The following SOD2 variants were observed in gnomAD, a reference collection of about 807,000 sequenced individuals.
The protein encoded by SOD2 is superoxide dismutase 2.
In SOD2, 11 loss-of-function variants were observed where a neutral mutation model predicts 27.0. The observed-to-expected ratio is 0.41, with a 90% CI of 0.26 to 0.67. The LOEUF (loss-of-function observed/expected upper bound fraction) is 0.67, where lower values mean the gene tolerates loss of function less well. Ranked by LOEUF, SOD2 falls within the 30% of genes least tolerant of loss-of-function variation. The pLI is 0.34. For missense variants in SOD2, 250 were observed against 274.5 expected (o/e 0.91, Z 0.63); for synonymous variants, 105 against 103.0 (o/e 1.02, Z -0.12).
In SOD2 at chr6:159,698,577, A is replaced by G. The variant is rs1206083609; in HGVS notation, c.-115-5714T>C. ...ACAGAGTGAGACCTTGTCTCAAAAA[A>G]AAAAAAAAAAAAAAAAAAAATCCAA... On this transcript the variant is annotated intron_variant, in intron 1 of 2. Coordinates refer to the SOD2 transcript ENST00000401980. 3.5e-3 allele frequency among the ~76,000 whole-genome samples: 129 copies of G among 37,126 alleles called. 2 individuals carry two copies. Among genetic ancestry groups the G allele is most frequent in the South Asian group, 0.028 (25 of 906 alleles). 24.4% of individuals were successfully genotyped at this position (37,126 alleles called of 152,430 possible).
At chr6:159,748,749 G>A, upstream of SOD2, 1 of 1,235,752 alleles carries the variant, frequency 8.1e-7, no homozygotes, top group Non-Finnish European at 1.0e-6. This position sits in a 1 kb window ranked among gnomAD's most constrained non-coding sequence, Gnocchi z 5.6. Context: ...ACAGTTTGAA[G>A]GAATGAAAAC....
Position 159,679,316 on chromosome 6 carries a change from T to TA in SOD2, c.*3176dup, listed in dbSNP as rs1779850965. On this transcript the variant is annotated 3_prime_UTR_variant, in exon 5 of 5. Transcript: ENST00000538183. ...GGGTATGACTGAAAGTGAGAAACAGTAATTTGTAAAACATTTACCTAATAA... is the reference window on the plus strand; with the variant it reads ...GGGTATGACTGAAAGTGAGAAACAGTAAATTTGTAAAACATTTACCTAATAA... 1 of 152,240 alleles carries TA rather than the reference T, an allele frequency of 6.6e-6. No individual in the cohort carries two copies. The highest frequency in any genetic ancestry group is 1.5e-5 in the Non-Finnish European group (1 of 68,040). 9.4% of individuals were successfully genotyped at this position (152,240 alleles called of 1,614,324 possible). A position where few individuals can be genotyped will look rare whatever the true frequency, so the allele number is the denominator to read the frequency against.
chr6:159,727,289 G>C (rs1375221149), exon 1 of SOD2: 1 of 1,281,408 alleles, frequency 7.8e-7, no homozygotes, highest in Non-Finnish European at 1.0e-6. Flanking sequence ...GCGGGGTTCG[G>C]CGGCGGGCGA....
At chr6:159,713,982 G>A in intron 1 of SOD2, 1 of 810,138 alleles carries the variant, frequency 1.2e-6, no homozygotes, top group South Asian at 1.8e-5. Context: ...TCCGTGCTCA[G>A]CATCGTGGCG....
chr6:159,708,898 G>A (rs1265900646), intron 1 of SOD2, among the ~76,000 whole-genome samples: 2 of 152,180 alleles, frequency 1.3e-5, no homozygotes, highest in East Asian at 1.9e-4. Context: ...AAACAGCATA[G>A]TACTGGTACC....
upstream of SOD2, among the ~76,000 whole-genome samples, chr6:159,731,328 C>T (rs866114284): frequency 2.6e-5 from 4 of 151,492 alleles, no homozygotes; most frequent in Admixed American, 6.6e-5. Context: ...ATTAGCTGGG[C>T]GTGGTGGTTC....
At chr6:159,759,110 A>C (rs914858922) in intron 1 of SOD2, among the ~76,000 whole-genome samples, 2 of 147,914 alleles carry the variant, frequency 1.4e-5, no homozygotes, top group African/African-American at 5.0e-5. Flanking sequence ...CCCAGGCTGG[A>C]GTACAATGGT....
At chr6:159,736,182 A>G in intron 1 of SOD2, 2 of 1,375,318 alleles carry the variant, frequency 1.5e-6, no homozygotes, top group Non-Finnish European at 2.0e-6. Context: ...TTGATTTGAA[A>G]GAGTCAGTAT....
upstream of SOD2, among the ~76,000 whole-genome samples, chr6:159,696,476 T>C (rs1197968832): frequency 6.6e-6 from 1 of 152,066 alleles, no homozygotes; most frequent in East Asian, 1.9e-4. Context: ...CGTGCCACCA[T>C]GCCTGGCTAA....
rs1224821580 is a variant in SOD2 at position 159,670,541 on chromosome 6, C to CA, written c.*11951dup. 6.6e-6 allele frequency: 1 copy of CA among 152,158 alleles called. No individual in the cohort carries two copies. Among genetic ancestry groups the CA allele is most frequent in the African/African-American group, 2.4e-5 (1 of 41,416 alleles). 9.4% of individuals were successfully genotyped at this position (152,158 alleles called of 1,614,324 possible). ...TCTGTAAATGACGATTTAATAATAT[C>CA]AATATCCATTTATCCTCTATAATCA... is the stretch of plus-strand genomic sequence containing the variant. On this transcript the variant is annotated 3_prime_UTR_variant, in exon 5 of 5. Transcript: ENST00000538183.
intron 1 of SOD2, among the ~76,000 whole-genome samples, chr6:159,751,269 G>A (rs146796826): frequency 0.011 from 1,624 of 152,148 alleles, 17 homozygotes; most frequent in Middle Eastern, 0.075. Flanking sequence ...CTTTTTAAAC[G>A]AAACCTTTTT....
intron 1 of SOD2, chr6:159,755,749 GTTTTTTTTTTCTTTTCTTTTTTTTTTT>G: frequency 6.3e-6 from 2 of 317,906 alleles, no homozygotes; most frequent in Non-Finnish European, 8.0e-6. Flanking sequence ...TTTTTTCTTT[GTTTTTTTTTTCTTTTCTTTTTTTTTTT>G]TTTTTTTTTT....
chr6:159,704,436 G>A (rs1056523582), intron 1 of SOD2, among the ~76,000 whole-genome samples: 32 of 152,190 alleles, frequency 2.1e-4, no homozygotes, highest in African/African-American at 7.0e-4. Flanking sequence ...CTAATACTGC[G>A]CTTTTCCAAT....
At chr6:159,687,656 C>T (rs1780254087) in intron 3 of SOD2, among the ~76,000 whole-genome samples, 1 of 152,102 alleles carries the variant, frequency 6.6e-6, no homozygotes. Flanking sequence ...TTGAAAGTTA[C>T]AACTTTTATC....
At chr6:159,741,462 T>C (rs1327917376) in intron 1 of SOD2, 1 of 152,212 alleles carries the variant, frequency 6.6e-6, no homozygotes, top group Non-Finnish European at 1.5e-5. Flanking sequence ...ATTTCTAATA[T>C]GCCTTTTGTT....
At position 159,670,379 on chromosome 6, in the gene SOD2, C is replaced by T. The variant is rs1779629361; in HGVS notation, c.*12114G>A. 1 of 152,152 alleles carries T rather than the reference C, an allele frequency of 6.6e-6. No individual in the cohort carries two copies. Among genetic ancestry groups the T allele is most frequent in the South Asian group, 2.1e-4 (1 of 4,836 alleles). The allele number at this position is 152,152 out of a possible 1,614,324, so 9.4% of individuals were successfully genotyped here. A position where few individuals can be genotyped will look rare whatever the true frequency, so the allele number is the denominator to read the frequency against. On this transcript the variant is annotated 3_prime_UTR_variant, in exon 5 of 5. Transcript: ENST00000538183. The stretch of plus-strand genomic sequence containing the variant: ...TAAAAATGCTAACAGTAACTAGGAG[C>T]TAAAAGATTCATTTGTTTTTTTCCT...
intron 1 of SOD2, chr6:159,741,883 C>T (rs1008484513): frequency 9.4e-6 from 4 of 427,738 alleles, no homozygotes; most frequent in African/African-American, 2.1e-5. Context: ...GCAGGGACAT[C>T]GCTTGAGCCC....
At chr6:159,743,651 T>G in intron 1 of SOD2, 1 of 1,580,572 alleles carries the variant, frequency 6.3e-7, no homozygotes, top group South Asian at 1.2e-5. Context: ...TATAATTTTT[T>G]TTTGAATCAT....
intron 1 of SOD2, among the ~76,000 whole-genome samples, chr6:159,709,915 C>T (rs527562039): frequency 6.6e-6 from 1 of 152,178 alleles, no homozygotes; most frequent in South Asian, 2.1e-4. Flanking sequence ...GGCATATATA[C>T]ACCATGGAAT....
Sources: allele counts gnomAD v4.1 joint callset (sites outside exome capture counted in the v4.1 genomes callset), GRCh38; gene constraint gnomAD v4.1.1; non-coding constraint Gnocchi (gnomAD v3.1); transcripts MANE v1.5; gene names NCBI Gene and HGNC (gene_info 2026-07-23, HGNC 2026-07-21).